CCDC73: variants seen among roughly 807,000 people sequenced by gnomAD.
CCDC73 encodes coiled-coil domain-containing protein 73.
A neutral mutation model predicts 116.5 loss-of-function variants in CCDC73; 95 were observed. That is an observed-to-expected ratio of 0.82 (90% CI 0.69 to 0.97). The LOEUF is 0.97. Among genes scored for constraint, CCDC73 ranks in the 50% least tolerant of loss-of-function variants. CCDC73 has a pLI of 0.00. For missense variants in CCDC73, 1,066 were observed against 1,206.8 expected (o/e 0.88, Z 1.73); for synonymous variants, 398 against 401.3 (o/e 0.99, Z 0.10).
the CCDC73 span, among the ~76,000 whole-genome samples, chr11:32,804,351 G>A: frequency 3.9e-5 from 6 of 152,250 alleles, no homozygotes; most frequent in East Asian, 1.9e-4. Flanking sequence ...AGCAGGTCTC[G>A]AACTCCTGGG....
At chr11:32,613,093 A>T (rs1247274347) in intron 16 of CCDC73, among the ~76,000 whole-genome samples, 2 of 152,202 alleles carry the variant, frequency 1.3e-5, no homozygotes, top group African/African-American at 4.8e-5. Flanking sequence ...GAAGGGACAG[A>T]TAAAAATAGA....
At chr11:32,610,795 A>G (rs565164419) in intron 17 of CCDC73, among the ~76,000 whole-genome samples, 77 of 152,364 alleles carry the variant, frequency 5.1e-4, no homozygotes, top group African/African-American at 1.8e-3. Flanking sequence ...GGACTTGATT[A>G]GCTTACTTTT....
At chr11:32,607,813 A>G (rs1306343613) in intron 17 of CCDC73, among the ~76,000 whole-genome samples, 4 of 36,756 alleles carry the variant, frequency 1.1e-4, no homozygotes, top group South Asian at 1.5e-3. Context: ...GGAGACTGGA[A>G]AAAAAAAGAT....
chr11:32,718,729 G>A (rs903944352), intron 2 of CCDC73, among the ~76,000 whole-genome samples: 2 of 152,170 alleles, frequency 1.3e-5, no homozygotes, highest in African/African-American at 4.8e-5. Flanking sequence ...CTGCAGCTGG[G>A]CAAGGGGACC....
chr11:32,720,191 T>A (rs1161113133), intron 2 of CCDC73, among the ~76,000 whole-genome samples: 1 of 152,194 alleles, frequency 6.6e-6, no homozygotes, highest in East Asian at 1.9e-4. Context: ...AAAAATTATA[T>A]GAGTGGAATT....
At chr11:32,671,048 G>C (rs953454566) in intron 9 of CCDC73, among the ~76,000 whole-genome samples, 5 of 152,096 alleles carry the variant, frequency 3.3e-5, no homozygotes, top group African/African-American at 1.2e-4. Context: ...TAAATATCCT[G>C]AACTTTTAGT....
upstream of CCDC73, among the ~76,000 whole-genome samples, chr11:32,798,718 C>CT (rs1315261051): frequency 6.6e-6 from 1 of 152,212 alleles, no homozygotes; most frequent in Non-Finnish European, 1.5e-5. Flanking sequence ...AATCAGGCAT[C>CT]TAACTCCAAG....
intron 13 of CCDC73, among the ~76,000 whole-genome samples, chr11:32,637,017 C>CTTTTTTTTTTTTTTTT (rs71063750): frequency 5.7e-5 from 5 of 87,938 alleles, no homozygotes; most frequent in African/African-American, 2.0e-4. Context: ...TTTTCTTTTT[C>CTTTTTTTTTTTTTTTT]TTTTTTTTTT....
At chr11:32,660,473 T>C (rs1202728266) in intron 9 of CCDC73, among the ~76,000 whole-genome samples, 1 of 151,942 alleles carries the variant, frequency 6.6e-6, no homozygotes, top group Non-Finnish European at 1.5e-5. Context: ...TTTATAATTT[T>C]ATATTTATTA....
chr11:32,656,198 C>T (rs1382707519), intron 9 of CCDC73, among the ~76,000 whole-genome samples: 2 of 152,082 alleles, frequency 1.3e-5, no homozygotes, highest in Non-Finnish European at 2.9e-5. Context: ...CTGCCTCAGC[C>T]TCCCGAGCAG....
At chr11:32,637,051 A>C (rs1590560151) in intron 13 of CCDC73, among the ~76,000 whole-genome samples, 2 of 111,026 alleles carry the variant, frequency 1.8e-5, no homozygotes, top group Middle Eastern at 9.1e-3. Context: ...AAGGAGTCTC[A>C]CTCTGTTGCC....
chr11:32,724,581 AT>A (rs5790898), intron 2 of CCDC73, among the ~76,000 whole-genome samples: 89,536 of 151,750 alleles, frequency 0.59, 26,738 homozygotes, highest in East Asian at 0.84. Flanking sequence ...CTTACTTCCG[AT>A]TTTTTAGAAT....
intron 14 of CCDC73, among the ~76,000 whole-genome samples, chr11:32,619,864 A>C (rs1855507865): frequency 8.6e-6 from 1 of 116,372 alleles, no homozygotes; most frequent in African/African-American, 3.3e-5. Flanking sequence ...GTAGAAGGGA[A>C]GGAGAAGGAG....
chr11:32,782,093 T>G (rs1451710159), intron 1 of CCDC73, among the ~76,000 whole-genome samples: 4 of 152,132 alleles, frequency 2.6e-5, no homozygotes, highest in Non-Finnish European at 5.9e-5. Flanking sequence ...ATGCTCCTTA[T>G]GAGAATCTAA....
In CCDC73 at chr11:32,652,992, A is replaced by T. The variant is rs115280464; in HGVS notation, c.939+131T>A. 2.5e-3 allele frequency: 1,386 copies of T among 547,778 alleles called. 19 individuals carry two copies. Among genetic ancestry groups the T allele is most frequent in the African/African-American group, 0.025 (1,288 of 52,136 alleles). 33.9% of individuals were successfully genotyped at this position (547,778 alleles called of 1,614,324 possible). ...ACTGAAAACAAGTTGAAGGAAGTCA[A>T]TATCTTACCCCTAGAATTCAAAATA... On this transcript the variant is annotated intron_variant, in intron 12 of 17. Transcript: ENST00000335185.
chr11:32,735,996 T>C (rs987909384), intron 2 of CCDC73, among the ~76,000 whole-genome samples: 16 of 152,238 alleles, frequency 1.1e-4, no homozygotes, highest in Non-Finnish European at 8.8e-5. Flanking sequence ...TTACACTTTA[T>C]ACAAAAATTA....
At chr11:32,654,705 T>TAA (rs921935125) in intron 10 of CCDC73, 139 bp downstream of exon 10, 1 of 669,262 alleles carries the variant, frequency 1.5e-6, no homozygotes, top group Non-Finnish European at 2.3e-6. Context: ...CAAAAATTAA[T>TAA]AAAAAAACAG....
At chr11:32,682,715 T>A (rs1223133826) in intron 7 of CCDC73, 2 of 151,636 alleles carry the variant, frequency 1.3e-5, no homozygotes, top group Non-Finnish European at 3.0e-5. Context: ...GAAAAAAAAA[T>A]CCTTCTGAAT....
intron 15 of CCDC73, among the ~76,000 whole-genome samples, chr11:32,615,324 C>T (rs1158430090): frequency 6.6e-6 from 1 of 152,100 alleles, no homozygotes; most frequent in Non-Finnish European, 1.5e-5. Context: ...TTTATCCTAA[C>T]AGATTATGCT....
Sources: gnomAD v4.1 joint callset for allele counts (sites outside exome capture counted in the v4.1 genomes callset) on GRCh38, gnomAD v4.1.1 for gene constraint, MANE v1.5 for transcripts, NCBI Gene and HGNC (gene_info 2026-07-23, HGNC 2026-07-21) for gene names.